The following RAE1 variants were observed in gnomAD, a reference collection of about 807,000 sequenced individuals.
RAE1 encodes the protein ribonucleic acid export 1, also known as mRNA export factor RAE1.
A neutral mutation model predicts 52.7 loss-of-function variants in RAE1; 13 were observed. The ratio of observed to expected loss-of-function variants is 0.25; its 90% CI spans 0.16 to 0.39. The LOEUF is 0.39. RAE1 is among the 10% of genes least tolerant of loss of function. The pLI, the probability that RAE1 is intolerant of heterozygous loss-of-function variation, is 1.00. For missense variants in RAE1, 262 were observed against 459.8 expected (o/e 0.57, Z 3.93); for synonymous variants, 164 against 153.1 (o/e 1.07, Z -0.52).
intron 8 of RAE1, among the ~76,000 whole-genome samples, chr20:57,369,354 A>C (rs2067001698): frequency 6.6e-6 from 1 of 152,196 alleles, no homozygotes; most frequent in African/African-American, 2.4e-5. Flanking sequence ...GTTAATGTGG[A>C]GGAAACCCCA....
At chr20:57,358,549 T>G (rs542614562) in intron 4 of RAE1, 3 of 154,212 alleles carry the variant, frequency 1.9e-5, no homozygotes, top group African/African-American at 7.2e-5. Flanking sequence ...TCTCTTGTCC[T>G]TTCGTAGTAG....
chr20:57,367,117 A>C, intron 7 of RAE1, 38 bp downstream of exon 7: 1 of 1,479,566 alleles, frequency 6.8e-7, no homozygotes, highest in Non-Finnish European at 9.2e-7. Context: ...TACTTTAAAA[A>C]AAAAACAAAA....
At chr20:57,366,074 T>A (rs978263602) in intron 5 of RAE1, among the ~76,000 whole-genome samples, 1 of 152,204 alleles carries the variant, frequency 6.6e-6, no homozygotes, top group Non-Finnish European at 1.5e-5. Flanking sequence ...TAGAAACATC[T>A]CATTGATCTC....
At chr20:57,367,464 C>G (rs1222849984) in intron 7 of RAE1, among the ~76,000 whole-genome samples, 1 of 151,928 alleles carries the variant, frequency 6.6e-6, no homozygotes, top group Admixed American at 6.6e-5. Flanking sequence ...CTTTCTCGGC[C>G]AGGCATGGTA....
chr20:57,377,965 A>T (rs766720154), intron 11 of RAE1, 48 bp from the exon 12 acceptor site: 4 of 1,431,846 alleles, frequency 2.8e-6, no homozygotes, highest in African/African-American at 1.4e-5. Flanking sequence ...TACAAATGCT[A>T]ACTTTCTTTT....
chr20:57,352,296 T>C (rs1030922511), intron 1 of RAE1, among the ~76,000 whole-genome samples: 1 of 152,338 alleles, frequency 6.6e-6, no homozygotes, highest in African/African-American at 2.4e-5. Context: ...GAGGCAACTT[T>C]TGAACTGGGA....
chr20:57,371,000 G>A (rs938198425), intron 8 of RAE1: 2 of 152,104 alleles, frequency 1.3e-5, no homozygotes, highest in South Asian at 4.2e-4. Flanking sequence ...CCCCTGATTG[G>A]AACTTTCCCT....
chr20:57,373,759 A>T (rs541049418), intron 10 of RAE1, 21 bp downstream of exon 10: 1 of 1,604,208 alleles, frequency 6.2e-7, no homozygotes, highest in South Asian at 1.1e-5. Context: ...AGACACTTTA[A>T]CCGTGGTAAT....
chr20:57,374,114 T>G (rs1206950179), intron 10 of RAE1, among the ~76,000 whole-genome samples: 6 of 152,198 alleles, frequency 3.9e-5, no homozygotes, highest in Admixed American at 3.9e-4. Context: ...ACTCCTGACC[T>G]TGTGATTTGC....
At chr20:57,367,983 G>C (rs536380488) in intron 7 of RAE1, among the ~76,000 whole-genome samples, 3 of 152,054 alleles carry the variant, frequency 2.0e-5, no homozygotes, top group Non-Finnish European at 2.9e-5. Context: ...TCTGCCTTCC[G>C]GGTTCAAGCG....
chr20:57,366,897 T>G lies in RAE1; in HGVS notation c.462+4T>G. On this transcript the variant is annotated splice_donor_region_variant and intron_variant, in intron 6 of 11. Transcript: ENST00000395841. Reference sequence around the variant, plus strand: ...GAGCTGGGATAAGACTTTAAAGGTATAATGTGCAGTTGAGGCATTGTTTGG... The same window carrying G: ...GAGCTGGGATAAGACTTTAAAGGTAGAATGTGCAGTTGAGGCATTGTTTGG... 1 of 1,606,800 alleles carries G rather than the reference T, an allele frequency of 6.2e-7. No homozygotes were observed. The highest frequency in any genetic ancestry group is 8.5e-7 in the Non-Finnish European group (1 of 1,173,342).
At chr20:57,353,977 C>T in intron 1 of RAE1, 55 bp from the exon 2 acceptor site, 4 of 1,433,102 alleles carry the variant, frequency 2.8e-6, no homozygotes. Context: ...CTTACCATTG[C>T]CTCTCAGTGA....
chr20:57,370,963 T>G (rs2067027660), intron 8 of RAE1, among the ~76,000 whole-genome samples: 1 of 152,170 alleles, frequency 6.6e-6, no homozygotes, highest in South Asian at 2.1e-4. Flanking sequence ...TCCATCTCCT[T>G]TGTTATAGCC....
chr20:57,351,326 C>T lies in RAE1; in HGVS notation c.-104C>T, dbSNP rs2066705411. The T allele has an allele frequency of 8.1e-6, 8 of 985,304 alleles. No homozygotes were observed. The highest frequency in any genetic ancestry group is 7.0e-5 in the African/African-American group (4 of 57,236). The allele number at this position is 985,304 out of a possible 1,614,324, so 61.0% of individuals were successfully genotyped here. A position where few individuals can be genotyped will look rare whatever the true frequency, so the allele number is the denominator to read the frequency against. ...TTCGGGCTCCTGGGATTTCTGTCCG[C>T]GCTCCTGGCCCTCGTCCTTCGCGCC... On this transcript the variant is annotated 5_prime_UTR_variant, in exon 1 of 12. Coordinates refer to ENST00000395841, the MANE Select transcript of RAE1 (RefSeq NM_003610.4).
Position 57,369,647 on chromosome 20 carries a change from A to G in RAE1, c.642+835A>G, listed in dbSNP as rs920243799. ...ATCTGGATGGGTTGGTTCCATTGTA[A>G]ATTCCTAGCTTCCAACTTCAACTCT... On this transcript the variant is annotated intron_variant, in intron 8 of 11. Coordinates refer to ENST00000395841, the MANE Select transcript of RAE1 (RefSeq NM_003610.4). 2.6e-5 allele frequency among the ~76,000 whole-genome samples: 4 copies of G among 152,254 alleles called. No homozygotes were observed. The East Asian group carries it at 7.7e-4, about 29-fold the overall frequency.
intron 4 of RAE1, chr20:57,357,314 C>T (rs2066804106): frequency 6.6e-6 from 1 of 152,094 alleles, no homozygotes; most frequent in South Asian, 2.1e-4. Flanking sequence ...TTTTTTTTGT[C>T]CCTATAGTTT....
intron 8 of RAE1, chr20:57,373,191 C>A: frequency 2.4e-6 from 1 of 419,582 alleles, no homozygotes. Flanking sequence ...TGCCTCGCAG[C>A]CCATGGGGCT....
At chr20:57,354,988 C>T (rs138736120) in intron 3 of RAE1, among the ~76,000 whole-genome samples, 172 bp downstream of exon 3, 32 of 152,316 alleles carry the variant, frequency 2.1e-4, no homozygotes, top group African/African-American at 7.5e-4. Context: ...ATTATTCTTA[C>T]ACCCGTTTTT....
intron 7 of RAE1, among the ~76,000 whole-genome samples, chr20:57,368,442 AGG>A (rs1031987652): frequency 1.3e-5 from 2 of 152,248 alleles, no homozygotes; most frequent in African/African-American, 4.8e-5. Context: ...GGAGTGGTGT[AGG>A]GGATTTTTAT....
Sources: allele counts gnomAD v4.1 joint callset (sites outside exome capture counted in the v4.1 genomes callset), GRCh38; gene constraint gnomAD v4.1.1; transcripts MANE v1.5; gene names NCBI Gene and HGNC (gene_info 2026-07-23, HGNC 2026-07-21).